PRKN: variants seen among roughly 807,000 people sequenced by gnomAD.
The protein encoded by PRKN is parkin RBR E3 ubiquitin protein ligase, also known as E3 ubiquitin-protein ligase parkin.
In PRKN, 56 loss-of-function variants were observed where a neutral mutation model predicts 59.5. The observed-to-expected ratio is 0.94, with a 90% confidence interval of 0.76 to 1.18. PRKN has a LOEUF of 1.18. Ranked by LOEUF, PRKN falls within the 50% of genes most tolerant of loss-of-function variation. The pLI, the probability that PRKN is intolerant of heterozygous loss-of-function variation, is 0.00. For missense variants in PRKN, 657 were observed against 596.4 expected (o/e 1.10, Z -1.06); for synonymous variants, 250 against 222.1 (o/e 1.13, Z -1.12).
intron 4 of PRKN, among the ~76,000 whole-genome samples, chr6:162,058,441 C>G (rs1777955675): frequency 6.6e-6 from 1 of 152,178 alleles, no homozygotes; most frequent in Admixed American, 6.5e-5. Context: ...ATGCCTGTGC[C>G]AAGCTCTGGC....
Position 162,584,898 on chromosome 6 carries a change from TCTCC to T in PRKN, c.8-141429_8-141426del, listed in dbSNP as rs1213443603. On this transcript the variant is annotated intron_variant, in intron 1 of 11. Transcript: ENST00000366898. The stretch of plus-strand genomic sequence containing the variant: ...TCCCCTCCCCTCCCCTCCCCTCCCC[TCTCC>T]TCTTCTCTTTTCTTTTCTTTTTGAG... Among the ~76,000 whole-genome samples the T allele has an allele frequency of 4.4e-4, 32 of 72,406 alleles. 1 individual carries two copies. The highest frequency in any genetic ancestry group is 7.7e-4 in the Non-Finnish European group (28 of 36,244). The allele number at this position is 72,406 out of a possible 152,430, so 47.5% of individuals were successfully genotyped here. A position where few individuals can be genotyped will look rare whatever the true frequency, so the allele number is the denominator to read the frequency against.
chr6:161,964,122 G>T, intron 6 of PRKN, among the ~76,000 whole-genome samples: 1 of 152,068 alleles, frequency 6.6e-6, no homozygotes, highest in East Asian at 1.9e-4. Context: ...GGAGGGTAAG[G>T]TGTAATGAAA....
chr6:161,542,631 A>G (rs1308358388), intron 9 of PRKN, among the ~76,000 whole-genome samples: 2 of 152,204 alleles, frequency 1.3e-5, no homozygotes, highest in African/African-American at 4.8e-5. Context: ...TGGACTGCAT[A>G]TTTTTGACAT....
At chr6:162,460,430 C>A (rs7451668) in intron 1 of PRKN, among the ~76,000 whole-genome samples, 20,448 of 152,114 alleles carry the variant, frequency 0.13, 1,656 homozygotes, top group East Asian at 0.34. Flanking sequence ...TGATGAAAAT[C>A]AAAATTGACT....
chr6:162,155,111 A>AAAC (rs780481637), intron 4 of PRKN, among the ~76,000 whole-genome samples: 3 of 136,322 alleles, frequency 2.2e-5, no homozygotes, highest in South Asian at 2.5e-4. Context: ...CCTAAAAAAA[A>AAAC]AAACAACAAA....
rs74815735 is a variant in PRKN, at chr6:161,807,438, T to G, written c.735-21530A>C. Among the ~76,000 whole-genome samples, 1,384 of 152,068 alleles carry G rather than the reference T, an allele frequency of 9.1e-3. 17 individuals are homozygous for G. Among genetic ancestry groups the G allele is most frequent in the South Asian group, 0.039 (190 of 4,814 alleles). ...AAACAGACACATATACACATACATA[T>G]ACACATAGATTGCTAGGGCTGCCAT... On this transcript the variant is annotated intron_variant, in intron 6 of 11. Coordinates refer to ENST00000366898, the MANE Select transcript of PRKN (RefSeq NM_004562.3).
At chr6:162,368,733 G>C (rs1785588599) in intron 2 of PRKN, among the ~76,000 whole-genome samples, 1 of 152,176 alleles carries the variant, frequency 6.6e-6, no homozygotes, top group Non-Finnish European at 1.5e-5. Context: ...ACTAGTGGCA[G>C]CTAGCTAGTC....
At chr6:162,517,236 G>C (rs1441911030) in intron 1 of PRKN, among the ~76,000 whole-genome samples, 1 of 151,040 alleles carries the variant, frequency 6.6e-6, no homozygotes, top group South Asian at 2.1e-4. Context: ...GAGGGCTGGG[G>C]TAGAACCCAG....
At chr6:161,408,221 T>A (rs1210221457) in intron 9 of PRKN, among the ~76,000 whole-genome samples, 1 of 149,832 alleles carries the variant, frequency 6.7e-6, no homozygotes, top group Non-Finnish European at 1.5e-5. Flanking sequence ...CACATTTACA[T>A]AAGTCATGGC....
intron 7 of PRKN, among the ~76,000 whole-genome samples, chr6:161,574,299 A>AG (rs1781048132): frequency 6.6e-6 from 1 of 151,996 alleles, no homozygotes; most frequent in African/African-American, 2.4e-5. Flanking sequence ...ACGTTAGCGG[A>AG]GGGGGCGGAG....
intron 2 of PRKN, among the ~76,000 whole-genome samples, chr6:162,371,141 C>G (rs192938657): frequency 2.6e-4 from 40 of 152,266 alleles, no homozygotes; most frequent in African/African-American, 7.5e-4. Flanking sequence ...TCCATTTGTT[C>G]AACATTTGCT....
At chr6:162,669,226 CT>C (rs36079627) in intron 1 of PRKN, among the ~76,000 whole-genome samples, 8 of 148,944 alleles carry the variant, frequency 5.4e-5, no homozygotes, top group South Asian at 2.1e-4. Flanking sequence ...ATGAGGACAT[CT>C]TTTTTTTTTA....
At chr6:162,686,250 A>C (rs1241849120) in intron 1 of PRKN, among the ~76,000 whole-genome samples, 1 of 152,200 alleles carries the variant, frequency 6.6e-6, no homozygotes, top group African/African-American at 2.4e-5. Context: ...AAAGGGTCAG[A>C]TTCTTCCAGC....
At chr6:162,716,569 A>G (rs1778728473) in intron 1 of PRKN, among the ~76,000 whole-genome samples, 1 of 152,182 alleles carries the variant, frequency 6.6e-6, no homozygotes, top group South Asian at 2.1e-4. Flanking sequence ...TCCAAAGCAT[A>G]ACAAAACTTC....
chr6:161,929,996 TTGTTGGCAATGCCACTGAATTTACC>T (rs1247888108), intron 6 of PRKN, among the ~76,000 whole-genome samples: 2 of 152,170 alleles, frequency 1.3e-5, no homozygotes, highest in African/African-American at 4.8e-5. Context: ...AAATGGAAAA[TTGTTGGCAATGCCACTGAATTTACC>T]TGTTGGCAAT....
intron 3 of PRKN, among the ~76,000 whole-genome samples, chr6:162,223,193 A>C (rs866695627): frequency 6.6e-6 from 1 of 151,928 alleles, no homozygotes; most frequent in Non-Finnish European, 1.5e-5. Context: ...TGAACTCATC[A>C]TTTTTTATGG....
chr6:162,513,846 G>C (rs544166021), intron 1 of PRKN, among the ~76,000 whole-genome samples: 75 of 152,180 alleles, frequency 4.9e-4, no homozygotes, highest in African/African-American at 1.8e-3. Flanking sequence ...TTGAAGTCAG[G>C]AGCTCGAGAC....
At position 161,470,447 on chromosome 6, in the gene PRKN, C is replaced by T. The variant is rs760740962; in HGVS notation, c.1083+78407G>A. Reference sequence around the variant, plus strand: ...ATGAACACTCAAGAGTAATTCTCAACGGATCAGAACTTCCTGAGAGCAGGA... The same window carrying T: ...ATGAACACTCAAGAGTAATTCTCAATGGATCAGAACTTCCTGAGAGCAGGA... On this transcript the variant is annotated intron_variant, in intron 9 of 11. Coordinates refer to ENST00000366898, the MANE Select transcript of PRKN (RefSeq NM_004562.3). This position sits in a 1 kb window ranked among gnomAD's most constrained non-coding sequence, Gnocchi z 5.1. 6.1e-4 allele frequency among the ~76,000 whole-genome samples: 93 copies of T among 152,234 alleles called. 1 individual carries two copies. Among genetic ancestry groups the T allele is most frequent in the Non-Finnish European group, 1.0e-3 (71 of 68,016 alleles).
At chr6:162,566,504 C>A (rs181786010) in intron 1 of PRKN, among the ~76,000 whole-genome samples, 1 of 152,152 alleles carries the variant, frequency 6.6e-6, no homozygotes, top group African/African-American at 2.4e-5. Context: ...CTATGAGCAA[C>A]TATATGTCAA....
Sources: gnomAD v4.1 joint callset for allele counts (sites outside exome capture counted in the v4.1 genomes callset) on GRCh38, gnomAD v4.1.1 for gene constraint, Gnocchi (gnomAD v3.1) non-coding constraint, MANE v1.5 for transcripts, NCBI Gene and HGNC (gene_info 2026-07-23, HGNC 2026-07-21) for gene names.